The following CREB5 variants were observed in gnomAD, a reference collection of about 807,000 sequenced individuals.
CREB5 encodes the protein cAMP responsive element binding protein 5, also known as cyclic AMP-responsive element-binding protein 5.
In CREB5, 19 loss-of-function variants were observed where a neutral mutation model predicts 57.1. That is an observed-to-expected ratio of 0.33 (90% CI 0.23 to 0.49). CREB5 has a LOEUF of 0.49. CREB5 is among the 20% of genes least tolerant of loss of function. The pLI, the probability that CREB5 is intolerant of heterozygous loss-of-function variation, is 0.99. For missense variants in CREB5, 579 were observed against 671.6 expected, an observed-to-expected ratio of 0.86 and a Z score of 1.52; for synonymous variants, 238 against 238.3, an observed-to-expected ratio of 1.00 and a Z score of 0.01.
chr7:28,413,528 T>A (rs941677480), intron 1 of CREB5, among the ~76,000 whole-genome samples: 5 of 152,112 alleles, frequency 3.3e-5, no homozygotes, highest in Admixed American at 3.3e-4. Flanking sequence ...CTGATTATAG[T>A]GGTTTTTATT....
chr7:28,460,485 G>A (rs1298900880), intron 1 of CREB5, among the ~76,000 whole-genome samples: 1 of 152,144 alleles, frequency 6.6e-6, no homozygotes, highest in Non-Finnish European at 1.5e-5. Context: ...TAGAATTGAA[G>A]CCCAGCAGTC....
chr7:28,527,382 A>G (rs1364003629), intron 4 of CREB5, among the ~76,000 whole-genome samples: 1 of 152,204 alleles, frequency 6.6e-6, no homozygotes, highest in East Asian at 1.9e-4. Flanking sequence ...TGGAATTACC[A>G]ATGTGACCTG....
intron 9 of CREB5, among the ~76,000 whole-genome samples, chr7:28,815,956 CAG>C (rs997608374): frequency 5.3e-5 from 8 of 152,084 alleles, no homozygotes; most frequent in African/African-American, 1.9e-4. Flanking sequence ...AGCTTCTACT[CAG>C]GGGGCAAGGT....
chr7:28,581,293 G>A (rs746028988), intron 5 of CREB5, among the ~76,000 whole-genome samples: 8 of 152,114 alleles, frequency 5.3e-5, no homozygotes, highest in Admixed American at 2.0e-4. Context: ...AACTGTGCCC[G>A]AATATTCCTC....
At chr7:28,548,272 T>TTTAG (rs1213713661) in intron 4 of CREB5, among the ~76,000 whole-genome samples, 2 of 152,210 alleles carry the variant, frequency 1.3e-5, no homozygotes, top group African/African-American at 4.8e-5. Context: ...TTTAGATTCC[T>TTTAG]AGTCCATACC....
At chr7:28,398,423 G>A (rs79822550) in intron 1 of CREB5, among the ~76,000 whole-genome samples, 2,089 of 152,242 alleles carry the variant, frequency 0.014, 49 homozygotes, top group African/African-American at 0.048. Flanking sequence ...TAACAACTAA[G>A]CAAGAAGGCC....
In CREB5 at chr7:28,519,164, G is replaced by A. The variant is rs577742339; in HGVS notation, c.291+11427G>A. Among the ~76,000 whole-genome samples the A allele has an allele frequency of 1.1e-4, 16 of 152,220 alleles. No individual in the cohort carries two copies. The South Asian group carries it at 2.1e-3, about 20-fold the overall frequency. On this transcript the variant is annotated intron_variant, in intron 4 of 10. Transcript: ENST00000357727. ...TGTGACATTGCTGCCTGGAAGAGGC[G>A]TCTTTTTCCTGCATGTCAGCAGTAA...
At chr7:28,798,969 T>C (rs1808213037) in intron 7 of CREB5, among the ~76,000 whole-genome samples, 1 of 152,234 alleles carries the variant, frequency 6.6e-6, no homozygotes, top group Non-Finnish European at 1.5e-5. Flanking sequence ...ACCCATTTAC[T>C]GGTCATTTAT....
chr7:28,560,855 TGTGCGTGTGCCTGC>T (rs1795108571), intron 4 of CREB5, among the ~76,000 whole-genome samples: 1 of 56,386 alleles, frequency 1.8e-5, no homozygotes, highest in Non-Finnish European at 3.5e-5. Context: ...CGCGTGTGTG[TGTGCGTGTGCCTGC>T]GTGCGCGTGC....
rs145479726 is a variant in CREB5 at position 28,396,556 on chromosome 7, A to G, written c.-25+97115A>G. Among the ~76,000 whole-genome samples, 67 of 152,316 alleles carry G rather than the reference A, an allele frequency of 4.4e-4. 1 individual carries two copies. In the East Asian group the frequency reaches 0.012, roughly 28 times the overall value. ...AATCTCTTGATGTCATAAATATGAA[A>G]GTAACATATTATTTGTATAGTCATG... On this transcript the variant is annotated intron_variant, in intron 1 of 9. Coordinates refer to the CREB5 transcript ENST00000396299.
intron 3 of CREB5, among the ~76,000 whole-genome samples, chr7:28,505,039 G>A (rs1001033699): frequency 7.2e-5 from 11 of 152,064 alleles, no homozygotes; most frequent in African/African-American, 2.4e-4. Context: ...TTATGAATTA[G>A]GAATTACCCC....
chr7:28,678,149 A>G (rs1211273619), intron 5 of CREB5, among the ~76,000 whole-genome samples: 1 of 152,206 alleles, frequency 6.6e-6, no homozygotes, highest in Non-Finnish European at 1.5e-5. Flanking sequence ...GAACTTTGGG[A>G]GGCCAAGGCG....
intron 4 of CREB5, among the ~76,000 whole-genome samples, chr7:28,565,908 G>T (rs751958555): frequency 6.6e-6 from 1 of 152,130 alleles, no homozygotes; most frequent in African/African-American, 2.4e-5. Flanking sequence ...GTGACAGAGC[G>T]AGACTCTGTC....
intron 5 of CREB5, among the ~76,000 whole-genome samples, chr7:28,694,588 C>A (rs1801443549): frequency 6.6e-6 from 1 of 152,192 alleles, no homozygotes; most frequent in Non-Finnish European, 1.5e-5. Flanking sequence ...CAGGGTCTCG[C>A]TTTGTCACCC....
intron 1 of CREB5, among the ~76,000 whole-genome samples, chr7:28,462,714 G>A (rs977767307): frequency 1.3e-5 from 2 of 151,974 alleles, no homozygotes; most frequent in Non-Finnish European, 2.9e-5. Context: ...TATATTTTCT[G>A]TATAGAAGTA....
chr7:28,777,034 A>G (rs1425256151), intron 7 of CREB5, among the ~76,000 whole-genome samples: 1 of 152,192 alleles, frequency 6.6e-6, no homozygotes, highest in African/African-American at 2.4e-5. Context: ...ATGTGAACAA[A>G]TATTTTCAGT....
intron 5 of CREB5, among the ~76,000 whole-genome samples, chr7:28,667,766 A>C (rs2128717320): frequency 6.6e-6 from 1 of 152,320 alleles, no homozygotes; most frequent in South Asian, 2.1e-4. Flanking sequence ...AAAATGACAA[A>C]GCCGAGGAAA....
chr7:28,489,361 G>A (rs1381274890), intron 2 of CREB5, among the ~76,000 whole-genome samples: 3 of 147,268 alleles, frequency 2.0e-5, no homozygotes, highest in Non-Finnish European at 4.5e-5. Flanking sequence ...GTGCAGTGGT[G>A]CGATCTCTGC....
Position 28,400,425 on chromosome 7 carries a change from G to A in CREB5, c.-24-94481G>A, listed in dbSNP as rs143696053. ...TGTTCTTTCCTTCCCTTCAGACTTT[G>A]ACATAGCATTAAATAGCCACAGCAG... On this transcript the variant is annotated intron_variant, in intron 1 of 9. Transcript: ENST00000396299. Among the ~76,000 whole-genome samples, 98 of 152,278 alleles carry A rather than the reference G, an allele frequency of 6.4e-4. 2 individuals carry two copies. In the East Asian group the frequency reaches 0.017, roughly 26 times the overall value.
Sources: allele counts gnomAD v4.1 joint callset (sites outside exome capture counted in the v4.1 genomes callset), GRCh38; gene constraint gnomAD v4.1.1; transcripts MANE v1.5; gene names NCBI Gene and HGNC (gene_info 2026-07-23, HGNC 2026-07-21).